TTC38: variants seen among roughly 807,000 people sequenced by gnomAD.
TTC38 encodes the protein tetratricopeptide repeat domain 38, also known as tetratricopeptide repeat protein 38.
TTC38 carries 64 observed loss-of-function variants against 64.2 expected under a neutral mutation model. That is an observed-to-expected ratio of 1.00 (90% confidence interval 0.81 to 1.23). The LOEUF (loss-of-function observed/expected upper bound fraction) is 1.23, where lower values mean the gene tolerates loss of function less well. TTC38 is among the 50% of genes most tolerant of loss of function. TTC38 has a pLI of 0.00. For missense variants in TTC38, 573 were observed against 615.5 expected (o/e 0.93, Z 0.73); for synonymous variants, 254 against 249.3 (o/e 1.02, Z -0.18).
rs749772001 is a variant in TTC38, at chr22:46,289,450, G to A, written c.1131G>A (p.Leu377=). ...CQHLLARDVG[L]PLCQALVEAE... is the part of the protein sequence containing the mutation. ...ACCTCCTGGCCCGAGACGTGGGGCTGCCCCTGTGCCAGGCCCTGGTGGAGG... is the reference window on the plus strand; with the variant it reads ...ACCTCCTGGCCCGAGACGTGGGGCTACCCCTGTGCCAGGCCCTGGTGGAGG... Residue 377 remains leucine, a synonymous_variant, in exon 12 of 14, where the codon CTG becomes CTA. Transcript: ENST00000381031. The A allele has an allele frequency of 7.5e-6, 12 of 1,609,324 alleles. No individual in the cohort carries two copies. Among genetic ancestry groups the A allele is most frequent in the Admixed American group, 1.7e-5 (1 of 59,922 alleles).
At chr22:46,278,827 G>T (rs745782638) in intron 6 of TTC38, among the ~76,000 whole-genome samples, 166 bp downstream of exon 6, 1 of 152,200 alleles carries the variant, frequency 6.6e-6, no homozygotes, top group Non-Finnish European at 1.5e-5. Flanking sequence ...GCTGCCGCCC[G>T]CCAGGGGCTG....
At position 46,285,195 on chromosome 22, in the gene TTC38, A is replaced by T; in HGVS notation, c.796-46A>T. ...TTCTCAGTTCACGTGCCAGCATTAC[A>T]CTTTGCCTTCTCCAGGGTTTAATAA... On this transcript the variant is annotated intron_variant, in intron 8 of 13. Transcript: ENST00000381031. 3 of 1,592,362 alleles carry T rather than the reference A, an allele frequency of 1.9e-6. 1 individual carries two copies. The South Asian group carries it at 3.3e-5, about 18-fold the overall frequency.
intron 11 of TTC38, 73 bp downstream of exon 11, chr22:46,288,661 T>C (rs739164): frequency 0.15 from 216,313 of 1,481,408 alleles, 22,543 homozygotes; most frequent in African/African-American, 0.54. Flanking sequence ...AGGGCCATGC[T>C]GAGACCTGTT....
rs1184255229 is a variant in TTC38, at chr22:46,282,216, T to A, written c.735+498T>A. On this transcript the variant is annotated intron_variant, in intron 7 of 13. Coordinates refer to ENST00000381031, the MANE Select transcript of TTC38 (RefSeq NM_017931.4). The surrounding 1 kb of genome is among the most constrained non-coding windows in gnomAD (Gnocchi z 4.4). ...GCCCGTCACTAGCTTGAGCAAGGCC[T>A]CCAAGGCCTACAGTGGCCTGTGAGG... is the stretch of plus-strand genomic sequence containing the variant. 2 of 324,392 alleles carry A rather than the reference T, an allele frequency of 6.2e-6. No homozygotes were observed. Among genetic ancestry groups the A allele is most frequent in the Admixed American group, 8.3e-5 (2 of 23,984 alleles). The allele number at this position is 324,392 out of a possible 1,614,324, so 20.1% of individuals were successfully genotyped here.
rs1173882921 is a variant in TTC38 at position 46,274,902 on chromosome 22, T to G, written c.366-346T>G. On this transcript the variant is annotated intron_variant, in intron 4 of 13. Transcript: ENST00000381031. The surrounding 1 kb of genome is among the most constrained non-coding windows in gnomAD (Gnocchi z 4.8). ...ATGCAGTGGCGCAATCTCGGCTCACTGCCTCCACCTCCCGGGTTCAAGTGA... is the reference window on the plus strand; with the variant it reads ...ATGCAGTGGCGCAATCTCGGCTCACGGCCTCCACCTCCCGGGTTCAAGTGA... Among the ~76,000 whole-genome samples, 2 of 152,200 alleles carry G rather than the reference T, an allele frequency of 1.3e-5. No homozygotes were observed. The highest frequency in any genetic ancestry group is 2.9e-5 in the Non-Finnish European group (2 of 68,026).
Position 46,285,283 on chromosome 22 carries a change from A to AG in TTC38, c.834+5dup. 3 of 1,614,160 alleles carry AG rather than the reference A, an allele frequency of 1.9e-6. No homozygotes were observed. The highest frequency in any genetic ancestry group is 2.5e-6 in the Non-Finnish European group (3 of 1,179,964). On this transcript the variant is annotated splice_donor_region_variant and intron_variant, in intron 9 of 13. Transcript: ENST00000381031. ...GCTGACCATCTACGATACCCACGTA[A>AG]GTTGCATTCACACCGTGTTTGGTTT...
At position 46,275,089 on chromosome 22, in the gene TTC38, G is replaced by A. The variant is rs544171613; in HGVS notation, c.366-159G>A. Reference sequence around the variant, plus strand: ...ACCTGCCTTGGTCTCCCAAAGTGCTGGGATTACAGGCATAAGCCACCGCAC... The same window carrying A: ...ACCTGCCTTGGTCTCCCAAAGTGCTAGGATTACAGGCATAAGCCACCGCAC... On this transcript the variant is annotated intron_variant, in intron 4 of 13. Coordinates refer to ENST00000381031, the MANE Select transcript of TTC38 (RefSeq NM_017931.4). The surrounding 1 kb of genome is among the most constrained non-coding windows in gnomAD (Gnocchi z 4.5). 3.9e-5 allele frequency among the ~76,000 whole-genome samples: 6 copies of A among 152,258 alleles called. No individual in the cohort carries two copies. Among genetic ancestry groups the A allele is most frequent in the African/African-American group, 1.2e-4 (5 of 41,538 alleles).
Position 46,289,568 on chromosome 22 carries a change from C to A in TTC38, c.1242+7C>A. The stretch of plus-strand genomic sequence containing the variant: ...CGGTGGGAGCAATGCCCAGGTGAGC[C>A]GATGGCCGCCAGCTGGGGTGCCTAG... On this transcript the variant is annotated splice_region_variant and intron_variant, in intron 12 of 13. Transcript: ENST00000381031. The A allele has an allele frequency of 6.4e-7, 1 of 1,568,412 alleles. No homozygotes were observed.
chr22:46,269,464 T>C (rs1341056236), intron 2 of TTC38, among the ~76,000 whole-genome samples: 1 of 152,246 alleles, frequency 6.6e-6, no homozygotes, highest in Admixed American at 6.5e-5. Context: ...CCTACTTGAC[T>C]TGAAGGTTGT....
chr22:46,285,729 A>G (rs1454833675), intron 9 of TTC38, among the ~76,000 whole-genome samples: 1 of 151,898 alleles, frequency 6.6e-6, no homozygotes, highest in Non-Finnish European at 1.5e-5. Flanking sequence ...TTACGTGTAC[A>G]AGGCCGGGTG....
At chr22:46,284,130 CCCTGA>C in intron 8 of TTC38, 98 bp downstream of exon 8, 1 of 991,058 alleles carries the variant, frequency 1.0e-6, no homozygotes, top group Non-Finnish European at 1.5e-6. Context: ...TCCGTTGGAG[CCCTGA>C]TGCAATGGAG....
At position 46,278,653 on chromosome 22, in the gene TTC38, G is replaced by T. The variant is rs745825694; in HGVS notation, c.607G>T (p.Ala203Ser). Reference sequence around the variant, plus strand: ...CTTCTACGACCAGGCAGAAAAACTCGCCAAAGAGGTAAGTGGGTCCTTCCT... The same window carrying T: ...CTTCTACGACCAGGCAGAAAAACTCTCCAAAGAGGTAAGTGGGTCCTTCCT... ...TNFYDQAEKL[A>S]KEALSINPTD... Residue 203 changes from alanine (A) to serine (S), a missense_variant, in exon 6 of 14, where the codon GCC becomes TCC. Coordinates refer to ENST00000381031, the MANE Select transcript of TTC38 (RefSeq NM_017931.4). The T allele has an allele frequency of 6.2e-7, 1 of 1,613,976 alleles. No individual in the cohort carries two copies. Among genetic ancestry groups the T allele is most frequent in the South Asian group, 1.1e-5 (1 of 91,086 alleles).
Position 46,285,270 on chromosome 22 carries a change from C to A in TTC38, c.825C>A (p.Tyr275Ter), listed in dbSNP as rs374693288. 1.2e-6 allele frequency: 2 copies of A among 1,614,174 alleles called. No homozygotes were observed. Among genetic ancestry groups the A allele is most frequent in the Admixed American group, 1.7e-5 (1 of 60,030 alleles). ...AATATGAGGCCGCGCTGACCATCTA[C>A]GATACCCACGTAAGTTGCATTCACA... is the stretch of plus-strand genomic sequence containing the variant. ...KGEYEAALTI[Y>*]DTHILPSLQA... The change falls in exon 9 of 14, where the codon TAC (tyrosine) becomes TAA (stop). Residue 275 changes from tyrosine (Y) to a stop codon, truncating the protein, a stop_gained. Coordinates refer to ENST00000381031, the MANE Select transcript of TTC38 (RefSeq NM_017931.4). LOFTEE classifies it high-confidence loss of function.
intron 8 of TTC38, 134 bp downstream of exon 8, chr22:46,284,166 A>C: frequency 2.7e-6 from 2 of 727,450 alleles, no homozygotes; most frequent in Non-Finnish European, 4.6e-6. Flanking sequence ...TCCAAAGAGC[A>C]CTCTAGGCTT....
intron 5 of TTC38, among the ~76,000 whole-genome samples, chr22:46,277,947 G>A (rs1349052726): frequency 2.0e-5 from 3 of 152,210 alleles, no homozygotes; most frequent in South Asian, 2.1e-4. Flanking sequence ...GTGGAGACCC[G>A]TGTTGATTCT....
intron 5 of TTC38, 53 bp from the exon 6 acceptor site, chr22:46,278,533 A>G: frequency 6.7e-7 from 1 of 1,495,750 alleles, no homozygotes. Context: ...ACACAGTTCA[A>G]CCTGCTACCC....
chr22:46,286,202 C>T (rs1214189217), intron 9 of TTC38, among the ~76,000 whole-genome samples: 5 of 151,900 alleles, frequency 3.3e-5, no homozygotes, highest in African/African-American at 7.3e-5. Context: ...AAAAAAAAAG[C>T]CTGAAGCCTG....
chr22:46,289,868 T>C lies in TTC38; in HGVS notation c.1285T>C (p.Cys429Arg). The C allele has an allele frequency of 1.2e-6, 2 of 1,614,176 alleles. No homozygotes were observed. The highest frequency in any genetic ancestry group is 1.7e-6 in the Non-Finnish European group (2 of 1,180,034). ...GCTGCTGATTCACGCGGCCTTAAAC[T>C]GCACCTCCAGCGTCCATAAGAACGT... ...NQLLIHAALN[C>R]TSSVHKNVAR... The change falls in exon 13 of 14, where the codon TGC (cysteine) becomes CGC (arginine). Residue 429 changes from cysteine to arginine, a missense_variant. By Grantham distance (180) the Cys-to-Arg change is radical. Coordinates refer to ENST00000381031, the MANE Select transcript of TTC38 (RefSeq NM_017931.4).
chr22:46,268,200 G>A, intron 1 of TTC38, 128 bp downstream of exon 1: 2 of 1,064,888 alleles, frequency 1.9e-6, no homozygotes, highest in South Asian at 3.3e-5. Flanking sequence ...GCGCACGGGC[G>A]CGTCCGCGGC....
Sources: allele counts gnomAD v4.1 joint callset (sites outside exome capture counted in the v4.1 genomes callset), GRCh38; gene constraint gnomAD v4.1.1; non-coding constraint Gnocchi (gnomAD v3.1); transcripts MANE v1.5; gene names NCBI Gene and HGNC (gene_info 2026-07-23, HGNC 2026-07-21).